TEK: variants seen among roughly 807,000 people sequenced by gnomAD.
TEK encodes angiopoietin-1 receptor.
Under a neutral mutation model 131.8 loss-of-function variants are expected in TEK, and 43 were observed. That is an observed-to-expected ratio of 0.33 (90% confidence interval 0.26 to 0.42). TEK has a LOEUF of 0.42. Ranked by LOEUF, TEK falls within the 10% of genes least tolerant of loss-of-function variation. The pLI is 1.00. For missense variants in TEK, 1,162 were observed against 1,384.4 expected, an observed-to-expected ratio of 0.84 and a Z score of 2.55; for synonymous variants, 580 against 491.6, an observed-to-expected ratio of 1.18 and a Z score of -2.38.
chr9:27,206,000 C>G (rs577463063), intron 14 of TEK, among the ~76,000 whole-genome samples: 1 of 152,242 alleles, frequency 6.6e-6, no homozygotes, highest in East Asian at 1.9e-4. Context: ...GGTGCTTTTT[C>G]ATGGTAGCAC....
chr9:27,202,028 A>G (rs997446479), intron 12 of TEK, among the ~76,000 whole-genome samples: 2 of 152,206 alleles, frequency 1.3e-5, no homozygotes, highest in African/African-American at 4.8e-5. Context: ...TCCTGGATCA[A>G]ATAGGCTTAG....
rs376980645 is a variant in TEK at position 27,148,045 on chromosome 9, G to A, written c.53-9786G>A. Among the ~76,000 whole-genome samples, 501 of 145,822 alleles carry A rather than the reference G, an allele frequency of 3.4e-3. 3 individuals carry two copies. The highest frequency in any genetic ancestry group is 0.011 in the African/African-American group (441 of 41,388). ...TAGTACCTACTGCCTAGATTGCTATGAGGATTGAGTTATTATGTGTTGACA... is the reference window on the plus strand; with the variant it reads ...TAGTACCTACTGCCTAGATTGCTATAAGGATTGAGTTATTATGTGTTGACA... On this transcript the variant is annotated intron_variant, in intron 1 of 22. Coordinates refer to ENST00000380036, the MANE Select transcript of TEK (RefSeq NM_000459.5).
chr9:27,213,493 A>C lies in TEK; in HGVS notation c.2887A>C (p.Arg963=). 2 of 1,613,862 alleles carry C rather than the reference A, an allele frequency of 1.2e-6. No individual in the cohort carries two copies. Among genetic ancestry groups the C allele is most frequent in the Non-Finnish European group, 1.7e-6 (2 of 1,179,748 alleles). ...DYLSQKQFIH[R]DLAARNILVG... is the part of the protein sequence containing the mutation. ...TTTTCAAAAATTTCAGTTTATCCAC[A>C]GGGATCTGGCTGCCAGAAACATTTT... Residue 963 remains arginine, a synonymous_variant, in exon 18 of 23, where the codon AGG becomes CGG. Transcript: ENST00000380036.
chr9:27,180,486 A>C, intron 7 of TEK, 118 bp downstream of exon 7: 1 of 1,429,296 alleles, frequency 7.0e-7, no homozygotes, highest in Non-Finnish European at 9.6e-7. Context: ...TTCCATCCAG[A>C]AGTTGGGAAT....
chr9:27,161,463 G>A lies in TEK; in HGVS notation c.364+3321G>A, dbSNP rs111636620. On this transcript the variant is annotated intron_variant, in intron 2 of 22. Transcript: ENST00000380036. ...CGTTGTCCCTAAAAGCTTAGGTAAA[G>A]CAATATATTGCAGAATAAGGTACAT... Among the ~76,000 whole-genome samples, 282 of 152,326 alleles carry A rather than the reference G, an allele frequency of 1.9e-3. 2 individuals carry two copies. The highest frequency in any genetic ancestry group is 5.9e-3 in the African/African-American group (245 of 41,580).
intron 1 of TEK, among the ~76,000 whole-genome samples, chr9:27,153,049 G>T (rs1424022103): frequency 6.6e-6 from 1 of 152,184 alleles, no homozygotes; most frequent in Non-Finnish European, 1.5e-5. Flanking sequence ...CATTTTAGAG[G>T]ATTGTTATGC....
chr9:27,175,229 C>T (rs1286019472), intron 6 of TEK, among the ~76,000 whole-genome samples: 1 of 148,244 alleles, frequency 6.7e-6, no homozygotes, highest in Non-Finnish European at 1.5e-5. Flanking sequence ...TGAGTGAGAA[C>T]ATACGGTGTT....
At chr9:27,128,375 T>C (rs1822074744) in intron 1 of TEK, among the ~76,000 whole-genome samples, 1 of 152,234 alleles carries the variant, frequency 6.6e-6, no homozygotes, top group Non-Finnish European at 1.5e-5. Flanking sequence ...TTTTGGTTAC[T>C]GTGGACTTGT....
intron 11 of TEK, among the ~76,000 whole-genome samples, chr9:27,195,930 C>T (rs377030045): frequency 6.6e-6 from 1 of 152,132 alleles, no homozygotes; most frequent in Admixed American, 6.5e-5. Context: ...TCTTGGTAGC[C>T]CAGGCTCCTG....
intron 1 of TEK, among the ~76,000 whole-genome samples, chr9:27,157,253 CTTAT>C (rs957035655): frequency 6.6e-6 from 1 of 152,030 alleles, no homozygotes; most frequent in African/African-American, 2.4e-5. Flanking sequence ...TGTATTTTAT[CTTAT>C]TTAATCTTTA....
chr9:27,129,568 AT>A (rs1822131900), intron 1 of TEK, among the ~76,000 whole-genome samples: 1 of 152,154 alleles, frequency 6.6e-6, no homozygotes, highest in African/African-American at 2.4e-5. Context: ...GGAGCTCTGT[AT>A]TGTTACTCAA....
chr9:27,165,796 G>C (rs557696299), intron 2 of TEK, among the ~76,000 whole-genome samples: 1 of 152,278 alleles, frequency 6.6e-6, no homozygotes, highest in South Asian at 2.1e-4. Context: ...GCTCTCTCTG[G>C]GTTTGCCCCC....
At chr9:27,125,194 A>G (rs922955491) in intron 1 of TEK, among the ~76,000 whole-genome samples, 1 of 152,248 alleles carries the variant, frequency 6.6e-6, no homozygotes, top group Non-Finnish European at 1.5e-5. Flanking sequence ...CAACAGCTGC[A>G]GAAGCTCAGC....
chr9:27,158,207 G>T, intron 2 of TEK, 65 bp downstream of exon 2: 1 of 1,594,528 alleles, frequency 6.3e-7, no homozygotes, highest in Non-Finnish European at 8.6e-7. Context: ...TTTTGTCTTG[G>T]CAGCTGCTCC....
In TEK at chr9:27,157,892, T is replaced by A; in HGVS notation, c.114T>A (p.Ala38=). ...ATTCCCTACCTCTTGTATCTGATGC[T>A]GAAACATCTCTCACCTGCATTGCCT... ...LINSLPLVSD[A]ETSLTCIASG... is the part of the protein sequence containing the mutation. The change falls in exon 2 of 23, where the codon GCT becomes GCA. Residue 38 remains alanine (A), a synonymous_variant. Transcript: ENST00000380036. 6.2e-7 allele frequency: 1 copy of A among 1,614,126 alleles called. No individual in the cohort carries two copies. Among genetic ancestry groups the A allele is most frequent in the Non-Finnish European group, 8.5e-7 (1 of 1,180,012 alleles).
chr9:27,218,874 CT>C, intron 20 of TEK, 57 bp downstream of exon 20: 1 of 1,510,056 alleles, frequency 6.6e-7, no homozygotes, highest in Middle Eastern at 1.7e-4. Context: ...GTGGAAGCCT[CT>C]AGCACTCCCT....
chr9:27,227,429 T>G (rs1169072895), intron 21 of TEK, among the ~76,000 whole-genome samples: 1 of 152,192 alleles, frequency 6.6e-6, no homozygotes, highest in African/African-American at 2.4e-5. Flanking sequence ...GTTGTCTTAG[T>G]CATTTCCGGC....
chr9:27,136,959 A>T (rs1822476490), intron 1 of TEK, among the ~76,000 whole-genome samples: 1 of 152,178 alleles, frequency 6.6e-6, no homozygotes, highest in South Asian at 2.1e-4. Flanking sequence ...CTCTGTCACC[A>T]GGCTGGAGTG....
At chr9:27,202,355 T>G (rs1263865501) in intron 12 of TEK, among the ~76,000 whole-genome samples, 1 of 152,236 alleles carries the variant, frequency 6.6e-6, no homozygotes. Flanking sequence ...AGTTGAATCT[T>G]GTTTCTTCTA....
Sources: gnomAD v4.1 joint callset for allele counts (sites outside exome capture counted in the v4.1 genomes callset) on GRCh38, gnomAD v4.1.1 for gene constraint, MANE v1.5 for transcripts, NCBI Gene and HGNC (gene_info 2026-07-23, HGNC 2026-07-21) for gene names.